The following SRGAP3 variants were observed in gnomAD, a reference collection of about 807,000 sequenced individuals.
The protein encoded by SRGAP3 is SLIT-ROBO Rho GTPase activating protein 3, also known as SLIT-ROBO Rho GTPase-activating protein 3.
SRGAP3 carries 39 observed loss-of-function variants against 121.1 expected under a neutral mutation model. The ratio of observed to expected loss-of-function variants is 0.32; its 90% confidence interval spans 0.25 to 0.42. SRGAP3 has a LOEUF of 0.42. Among genes scored for constraint, SRGAP3 ranks in the 10% least tolerant of loss-of-function variants. The probability of loss-of-function intolerance (pLI) is 1.00; values close to 1 mark genes in which losing one functional copy is unlikely to be tolerated. For synonymous variants in SRGAP3, 601 were observed against 570.0 expected (o/e 1.05, Z -0.77); for missense variants, 1,213 against 1,470.6 (o/e 0.82, Z 2.86).
chr3:9,290,345 T>A (rs1038162219), intron 3 of SRGAP3, among the ~76,000 whole-genome samples: 3 of 152,068 alleles, frequency 2.0e-5, no homozygotes, highest in African/African-American at 7.2e-5. Context: ...AAAGTCCACA[T>A]CAAAGTATGT....
chr3:9,356,369 T>C (rs1436160314), intron 1 of SRGAP3, among the ~76,000 whole-genome samples: 2 of 118,546 alleles, frequency 1.7e-5, no homozygotes, highest in Non-Finnish European at 1.7e-5. Flanking sequence ...TTTTTTTTTT[T>C]TTTTTTTTTT....
chr3:9,010,624 G>C (rs1005164082), intron 17 of SRGAP3, among the ~76,000 whole-genome samples: 2 of 152,054 alleles, frequency 1.3e-5, no homozygotes, highest in East Asian at 3.9e-4. Context: ...CCTAGCCCTG[G>C]AATTTGCTGA....
At chr3:9,271,980 A>G (rs1246274440) in intron 3 of SRGAP3, among the ~76,000 whole-genome samples, 2 of 152,230 alleles carry the variant, frequency 1.3e-5, no homozygotes, top group African/African-American at 4.8e-5. Flanking sequence ...ACAAAAGACC[A>G]CAACGATCAA....
At position 9,013,829 on chromosome 3, in the gene SRGAP3, T is replaced by G. The variant is rs749667416; in HGVS notation, c.1827A>C (p.Pro609=). The change falls in exon 16 of 22, where the codon CCA becomes CCC. Residue 609 remains proline, a synonymous_variant. Transcript: ENST00000383836. Reference sequence around the variant, plus strand: ...GTTGGATCTGGTGCACCCTCTCGGCTGGGTTCTCCAGTTCTGTAACATAAA... The same window carrying G: ...GTTGGATCTGGTGCACCCTCTCGGCGGGGTTCTCCAGTTCTGTAACATAAA... ...DLISTIKLEN[P]AERVHQIQQI... is the part of the protein sequence containing the mutation. The G allele has an allele frequency of 2.5e-6, 4 of 1,614,218 alleles. No individual in the cohort carries two copies. The South Asian group carries it at 4.4e-5, about 18-fold the overall frequency.
chr3:9,254,630 C>CA (rs532114558), upstream of SRGAP3, among the ~76,000 whole-genome samples: 7 of 152,078 alleles, frequency 4.6e-5, no homozygotes, highest in South Asian at 1.5e-3. Context: ...CTCTTCTCTA[C>CA]AAAAAATAAA....
chr3:9,309,102 CT>C (rs1955202333), intron 3 of SRGAP3, among the ~76,000 whole-genome samples: 1 of 152,176 alleles, frequency 6.6e-6, no homozygotes, highest in Non-Finnish European at 1.5e-5. Context: ...CAGGATGCTC[CT>C]TTTGGGGACT....
intron 1 of SRGAP3, among the ~76,000 whole-genome samples, chr3:9,179,373 A>G (rs1172015722): frequency 6.6e-6 from 1 of 152,230 alleles, no homozygotes; most frequent in Non-Finnish European, 1.5e-5. Context: ...TGGGCAAGTT[A>G]CTTATCCTTG....
At chr3:9,234,651 T>G (rs1953339964) in intron 1 of SRGAP3, among the ~76,000 whole-genome samples, 1 of 152,132 alleles carries the variant, frequency 6.6e-6, no homozygotes, top group Non-Finnish European at 1.5e-5. Context: ...GTTGGAAAAC[T>G]TACTGATCTA....
At chr3:9,286,110 TCAAACACA>T (rs777299567) in intron 3 of SRGAP3, among the ~76,000 whole-genome samples, 1 of 91,676 alleles carries the variant, frequency 1.1e-5, no homozygotes, top group South Asian at 3.9e-4. Flanking sequence ...AGACCCTATC[TCAAACACA>T]CACACACACA....
intron 3 of SRGAP3, among the ~76,000 whole-genome samples, chr3:9,292,107 C>G (rs182445423): frequency 8.5e-5 from 13 of 152,228 alleles, no homozygotes; most frequent in Admixed American, 5.2e-4. Context: ...GAACAGATAC[C>G]TCTTGGAATC....
At position 9,118,016 on chromosome 3, in the gene SRGAP3, C is replaced by T. The variant is rs184077421; in HGVS notation, c.260+6709G>A. Among the ~76,000 whole-genome samples the T allele has an allele frequency of 5.3e-5, 8 of 151,936 alleles. No homozygotes were observed. In the East Asian group the frequency reaches 1.2e-3, roughly 22 times the overall value. ...ATGTGGTGGCATGTACCTGTAGTCCCGGTTACTTGGGAGGCTGAGGCAGGA... is the reference window on the plus strand; with the variant it reads ...ATGTGGTGGCATGTACCTGTAGTCCTGGTTACTTGGGAGGCTGAGGCAGGA... On this transcript the variant is annotated intron_variant, in intron 2 of 21. Coordinates refer to ENST00000383836, the MANE Select transcript of SRGAP3 (RefSeq NM_014850.4).
chr3:9,084,039 C>A (rs188503452), intron 3 of SRGAP3, among the ~76,000 whole-genome samples: 1 of 152,262 alleles, frequency 6.6e-6, no homozygotes, highest in South Asian at 2.1e-4. Context: ...TTGGTCAATG[C>A]GATAGTATCT....
At chr3:9,091,945 C>A (rs1402842975) in intron 3 of SRGAP3, among the ~76,000 whole-genome samples, 1 of 152,122 alleles carries the variant, frequency 6.6e-6, no homozygotes. Flanking sequence ...TTCAAGAATG[C>A]AGATTCGAGT....
intron 1 of SRGAP3, among the ~76,000 whole-genome samples, chr3:9,174,430 G>A (rs1010559483): frequency 1.3e-5 from 2 of 152,166 alleles, no homozygotes; most frequent in Admixed American, 6.5e-5. Context: ...GAAGATGGGA[G>A]GAAGGAAGAA....
At chr3:9,073,193 G>T (rs548543705) in intron 4 of SRGAP3, among the ~76,000 whole-genome samples, 1 of 152,268 alleles carries the variant, frequency 6.6e-6, no homozygotes, top group Non-Finnish European at 1.5e-5. Flanking sequence ...CCCCAGGCTG[G>T]AGTGCAGTGG....
Position 9,058,267 on chromosome 3 carries a change from G to T in SRGAP3, c.1007C>A (p.Pro336His). Residue 336 changes from proline to histidine, a missense_variant, in exon 7 of 22, where the codon CCC becomes CAC. Physicochemically the swap from Pro to His is moderately conservative, Grantham distance 77 (BLOSUM62 -2). Coordinates refer to ENST00000383836, the MANE Select transcript of SRGAP3 (RefSeq NM_014850.4). ...FCPPLKFEFQ[P>H]HMGDEVCQVS... The stretch of plus-strand genomic sequence containing the variant: ...GAAGCCTACCTCATCCCCCATGTGG[G>T]GCTGGAACTCGAACTTGAGTGGAGG... 1 of 1,614,200 alleles carries T rather than the reference G, an allele frequency of 6.2e-7. No individual in the cohort carries two copies. Among genetic ancestry groups the T allele is most frequent in the Non-Finnish European group, 8.5e-7 (1 of 1,180,040 alleles).
In SRGAP3 at chr3:8,985,249, G is replaced by C; in HGVS notation, c.*270C>G. 1.7e-6 allele frequency: 1 copy of C among 575,282 alleles called. No individual in the cohort carries two copies. The highest frequency in any genetic ancestry group is 3.0e-6 in the Non-Finnish European group (1 of 338,732). The allele number at this position is 575,282 out of a possible 1,614,324, so 35.6% of individuals were successfully genotyped here. On this transcript the variant is annotated 3_prime_UTR_variant, in exon 22 of 22. Coordinates refer to ENST00000383836, the MANE Select transcript of SRGAP3 (RefSeq NM_014850.4). The surrounding 1 kb of genome is among the most constrained non-coding windows in gnomAD (Gnocchi z 5.1). Reference sequence around the variant, plus strand: ...TGCGGGAGAAGCCATGTGGTATTTTGCCTCCATGTTAGGGAATGCTGTGGT... The same window carrying C: ...TGCGGGAGAAGCCATGTGGTATTTTCCCTCCATGTTAGGGAATGCTGTGGT...
In SRGAP3 at chr3:8,990,806, G is replaced by A. The variant is rs1487465640; in HGVS notation, c.2592C>T (p.Pro864=). 1.3e-6 allele frequency: 2 copies of A among 1,577,490 alleles called. No homozygotes were observed. Among genetic ancestry groups the A allele is most frequent in the Admixed American group, 3.6e-5 (2 of 55,902 alleles). Residue 864 remains proline (P), a synonymous_variant, in exon 21 of 22, where the codon CCC becomes CCT. Coordinates refer to ENST00000383836, the MANE Select transcript of SRGAP3 (RefSeq NM_014850.4). The stretch of plus-strand genomic sequence containing the variant: ...GTGTGTCGCCCCCGCTTCGGCGTCT[G>A]GGGATGGCTGCTCCATCAGATCGTA... ...VRLRSDGAAI[P]RRRSGGDTHS...
In SRGAP3 at chr3:9,027,721, A is replaced by C. The variant is rs77536958; in HGVS notation, c.1540-726T>G. ...TTCCTAGACTGGTCTACAGCCACAA[A>C]TGATTATGGCGGAGGGGAAACATTT... is the stretch of plus-strand genomic sequence containing the variant. On this transcript the variant is annotated intron_variant, in intron 12 of 21. Coordinates refer to ENST00000383836, the MANE Select transcript of SRGAP3 (RefSeq NM_014850.4). 3.7e-3 allele frequency among the ~76,000 whole-genome samples: 560 copies of C among 152,340 alleles called. 8 individuals are homozygous for C. In the East Asian group the frequency reaches 0.055, roughly 15 times the overall value.
Sources: allele counts gnomAD v4.1 joint callset (sites outside exome capture counted in the v4.1 genomes callset), GRCh38; gene constraint gnomAD v4.1.1; non-coding constraint Gnocchi (gnomAD v3.1); transcripts MANE v1.5; gene names NCBI Gene and HGNC (gene_info 2026-07-23, HGNC 2026-07-21).